The following SSH2 variants were observed in gnomAD, a reference collection of about 807,000 sequenced individuals.
SSH2 encodes the protein protein phosphatase Slingshot homolog 2.
In SSH2, 37 loss-of-function variants were observed where a neutral mutation model predicts 135.2. The ratio of observed to expected loss-of-function variants is 0.27; its 90% confidence interval spans 0.21 to 0.36. SSH2 has a LOEUF of 0.36. Ranked by LOEUF, SSH2 falls within the 10% of genes least tolerant of loss-of-function variation. SSH2 has a pLI of 1.00. For synonymous variants in SSH2, 628 were observed against 646.2 expected (o/e 0.97, Z 0.43); for missense variants, 1,408 against 1,765.3 (o/e 0.80, Z 3.63).
At chr17:29,700,500 T>C (rs1231087260) in intron 4 of SSH2, among the ~76,000 whole-genome samples, 1 of 152,236 alleles carries the variant, frequency 6.6e-6, no homozygotes, top group Non-Finnish European at 1.5e-5. Context: ...ACAGTGCATA[T>C]ACTACTGTTA....
intron 3 of SSH2, chr17:29,716,355 G>T: frequency 4.3e-6 from 2 of 466,194 alleles, no homozygotes; most frequent in South Asian, 2.3e-5. Flanking sequence ...AAGCTGTCTT[G>T]GCTCTTAGAG....
At chr17:29,918,938 TAA>T (rs200925117) in intron 1 of SSH2, among the ~76,000 whole-genome samples, 6 of 138,294 alleles carry the variant, frequency 4.3e-5, no homozygotes, top group African/African-American at 2.6e-5. Flanking sequence ...CCGTCTCAAA[TAA>T]AAAAAAAAAA....
At chr17:29,715,334 C>T (rs1399691081) in intron 3 of SSH2, among the ~76,000 whole-genome samples, 1 of 151,936 alleles carries the variant, frequency 6.6e-6, no homozygotes, top group African/African-American at 2.4e-5. Flanking sequence ...CAAGCTCCGC[C>T]TTCCAGGTTC....
At chr17:29,665,633 T>G (rs2037237162) in intron 11 of SSH2, among the ~76,000 whole-genome samples, 1 of 152,220 alleles carries the variant, frequency 6.6e-6, no homozygotes, top group Non-Finnish European at 1.5e-5. Flanking sequence ...CTTGTAAGCA[T>G]TTTTGGTGAA....
chr17:29,643,345 G>T (rs968106183), intron 14 of SSH2: 130 of 880,078 alleles, frequency 1.5e-4, no homozygotes, highest in Non-Finnish European at 1.7e-4. Context: ...TTTGATTTGG[G>T]TGTTCACTGT....
rs761921450 is a variant in SSH2 at position 29,831,575 on chromosome 17, CT to C, written c.144+17273del. On this transcript the variant is annotated intron_variant, in intron 2 of 15. Coordinates refer to ENST00000540801, the MANE Select transcript of SSH2 (RefSeq NM_001282129.2). Reference sequence around the variant, plus strand: ...TCACTACCAGAATGCAACTGTTTATCTTTTTTTTTTTTTTTTTTTAAGATGG... The same window carrying C: ...TCACTACCAGAATGCAACTGTTTATCTTTTTTTTTTTTTTTTTTAAGATGG... Among the ~76,000 whole-genome samples the C allele has an allele frequency of 4.7e-3, 626 of 134,314 alleles. 1 individual carries two copies. The highest frequency in any genetic ancestry group is 7.8e-3 in the Admixed American group (104 of 13,362). 88.1% of individuals were successfully genotyped at this position (134,314 alleles called of 152,430 possible).
chr17:29,677,866 T>G (rs2037795335), intron 6 of SSH2, 125 bp from the exon 7 acceptor site: 5 of 690,410 alleles, frequency 7.2e-6, no homozygotes, highest in Non-Finnish European at 1.3e-5. Context: ...AGTGTTACAA[T>G]GAAGAAATTT....
chr17:29,810,920 GA>G (rs1175518232), intron 2 of SSH2, among the ~76,000 whole-genome samples: 3 of 152,042 alleles, frequency 2.0e-5, no homozygotes, highest in African/African-American at 7.2e-5. Flanking sequence ...AAAACATTAT[GA>G]TTTTTTTTTG....
intron 1 of SSH2, among the ~76,000 whole-genome samples, chr17:29,854,926 G>A (rs367925740): frequency 1.2e-4 from 18 of 151,812 alleles, no homozygotes; most frequent in Non-Finnish European, 2.2e-4. Context: ...CAGCCTGGGA[G>A]ACAGAGCAAG....
intron 3 of SSH2, among the ~76,000 whole-genome samples, chr17:29,770,098 T>TTG (rs370226605): frequency 0.3 from 30,975 of 102,114 alleles, 4,448 homozygotes; most frequent in Non-Finnish European, 0.33. Flanking sequence ...TTTAGTTTTT[T>TTG]TTTTTTTTTT....
At chr17:29,869,917 T>G (rs1356773410) in intron 1 of SSH2, among the ~76,000 whole-genome samples, 1 of 152,080 alleles carries the variant, frequency 6.6e-6, no homozygotes, top group Non-Finnish European at 1.5e-5. Flanking sequence ...GTCATTGGCC[T>G]GATCCTAGAA....
chr17:29,828,175 T>C (rs2042778959), intron 2 of SSH2, among the ~76,000 whole-genome samples: 1 of 152,240 alleles, frequency 6.6e-6, no homozygotes, highest in Admixed American at 6.5e-5. Flanking sequence ...AGGAAGTCTT[T>C]AACAAATTCA....
intron 14 of SSH2, 63 bp from the exon 15 acceptor site, chr17:29,636,865 A>G (rs2035936420): frequency 9.0e-7 from 1 of 1,115,146 alleles, no homozygotes; most frequent in East Asian, 2.4e-5. Context: ...ACACCCTCCC[A>G]GGAAAACACT....
chr17:29,797,223 C>T (rs527797433), intron 2 of SSH2, among the ~76,000 whole-genome samples: 2 of 152,048 alleles, frequency 1.3e-5, no homozygotes, highest in East Asian at 3.9e-4. Context: ...CTACGTAATT[C>T]AAACTGCTAT....
At chr17:29,663,310 T>C (rs539830359) in intron 11 of SSH2, among the ~76,000 whole-genome samples, 40 of 152,336 alleles carry the variant, frequency 2.6e-4, no homozygotes, top group African/African-American at 8.9e-4. Flanking sequence ...CTATGCAAGA[T>C]GAGATGACTC....
chr17:29,709,261 G>A (rs2039348797), intron 3 of SSH2, among the ~76,000 whole-genome samples: 1 of 152,028 alleles, frequency 6.6e-6, no homozygotes, highest in Non-Finnish European at 1.5e-5. Context: ...ACCAAGATTT[G>A]ACTTGAAAGC....
chr17:29,880,871 A>G (rs986003021), intron 1 of SSH2, among the ~76,000 whole-genome samples: 1 of 152,220 alleles, frequency 6.6e-6, no homozygotes, highest in Non-Finnish European at 1.5e-5. Context: ...GCTCATGGTT[A>G]CAAAGCCAAT....
At chr17:29,924,004 CAA>C (rs2067021855) in intron 1 of SSH2, among the ~76,000 whole-genome samples, 1 of 152,150 alleles carries the variant, frequency 6.6e-6, no homozygotes, top group South Asian at 2.1e-4. Flanking sequence ...TCTAAAAAAA[CAA>C]AGATATGAAA....
intron 1 of SSH2, among the ~76,000 whole-genome samples, chr17:29,857,908 C>A (rs1010336734): frequency 6.6e-6 from 1 of 152,226 alleles, no homozygotes; most frequent in Admixed American, 6.5e-5. Flanking sequence ...CTATTCCAAC[C>A]CTTAGCAACT....
Sources: allele counts gnomAD v4.1 joint callset (sites outside exome capture counted in the v4.1 genomes callset), GRCh38; gene constraint gnomAD v4.1.1; transcripts MANE v1.5; gene names NCBI Gene and HGNC (gene_info 2026-07-23, HGNC 2026-07-21).